The following RIMS2 variants were observed in gnomAD, a reference collection of about 807,000 sequenced individuals.
RIMS2 encodes regulating synaptic membrane exocytosis protein 2.
A neutral mutation model predicts 174.4 loss-of-function variants in RIMS2; 59 were observed. The ratio of observed to expected loss-of-function variants is 0.34; its 90% confidence interval spans 0.27 to 0.42. The LOEUF is 0.42. Ranked by LOEUF, RIMS2 falls within the 10% of genes least tolerant of loss-of-function variation. The pLI is 1.00. For synonymous variants in RIMS2, 606 were observed against 572.5 expected, an observed-to-expected ratio of 1.06 and a Z score of -0.84; for missense variants, 1,620 against 1,666.3, an observed-to-expected ratio of 0.97 and a Z score of 0.48.
intron 11 of RIMS2, among the ~76,000 whole-genome samples, chr8:103,930,869 T>C (rs2079788526): frequency 1.3e-5 from 2 of 152,176 alleles, no homozygotes; most frequent in African/African-American, 2.4e-5. Flanking sequence ...GGATACTATC[T>C]ACTCAATTCA....
At chr8:103,885,165 C>G (rs1330221403) in intron 3 of RIMS2, 133 bp from the exon 7 acceptor site, 2 of 1,275,516 alleles carry the variant, frequency 1.6e-6, no homozygotes, top group Non-Finnish European at 2.1e-6. Context: ...CATTGTTACG[C>G]TATGCCTTTA....
At chr8:103,608,981 C>A (rs886492959) in intron 1 of RIMS2, among the ~76,000 whole-genome samples, 2 of 152,146 alleles carry the variant, frequency 1.3e-5, no homozygotes, top group African/African-American at 4.8e-5. Context: ...AGCTGTAGAC[C>A]GGAGCTGTTC....
intron 3 of RIMS2, among the ~76,000 whole-genome samples, chr8:103,864,982 G>A (rs1250685682): frequency 1.3e-5 from 2 of 152,092 alleles, no homozygotes; most frequent in Non-Finnish European, 2.9e-5. Context: ...AGAATGGATT[G>A]ATGCTAACCA....
At chr8:103,640,829 T>C (rs1174784045) in intron 1 of RIMS2, among the ~76,000 whole-genome samples, 1 of 152,144 alleles carries the variant, frequency 6.6e-6, no homozygotes, top group African/African-American at 2.4e-5. Context: ...TGTATTATGC[T>C]GTTGTTGGAT....
At chr8:103,969,838 A>G (rs888158782) in intron 15 of RIMS2, among the ~76,000 whole-genome samples, 1 of 152,072 alleles carries the variant, frequency 6.6e-6, no homozygotes, top group Non-Finnish European at 1.5e-5. Flanking sequence ...ACCTCTGCCT[A>G]CTGGGCTCAA....
chr8:103,687,691 T>G (rs2096959418), intron 1 of RIMS2, among the ~76,000 whole-genome samples: 2 of 152,150 alleles, frequency 1.3e-5, no homozygotes, highest in South Asian at 4.1e-4. Flanking sequence ...TCTCTGGTGA[T>G]CATAATTCTA....
chr8:103,900,311 C>A (rs999235582), intron 4 of RIMS2, among the ~76,000 whole-genome samples: 3 of 151,646 alleles, frequency 2.0e-5, no homozygotes, highest in African/African-American at 7.3e-5. Flanking sequence ...ACAGTCTCCA[C>A]CTCCTGGGTT....
chr8:103,781,340 T>C lies in RIMS2; in HGVS notation c.698+14803T>C, dbSNP rs569927734. 2.6e-5 allele frequency among the ~76,000 whole-genome samples: 4 copies of C among 152,328 alleles called. No individual in the cohort carries two copies. In the East Asian group the frequency reaches 7.7e-4, roughly 29 times the overall value. On this transcript the variant is annotated intron_variant, in intron 3 of 23. Transcript: ENST00000504942. ...TTCCTCACGTTTGAATTCTGGGATA[T>C]TGCTGATGATAAATTGGTGCTGTAT...
chr8:103,943,269 T>C (rs981589789), intron 14 of RIMS2, among the ~76,000 whole-genome samples: 8 of 152,198 alleles, frequency 5.3e-5, no homozygotes, highest in African/African-American at 1.7e-4. Flanking sequence ...CACATAGTTG[T>C]ATACACAAAA....
chr8:103,778,133 T>A lies in RIMS2; in HGVS notation c.698+11596T>A, dbSNP rs79519472. ...TACACATTTATGTATTTTTGATTTT[T>A]TATTGATGTATAATACATATACATA... On this transcript the variant is annotated intron_variant, in intron 3 of 23. Coordinates refer to ENST00000504942, the Ensembl canonical transcript of RIMS2. Among the ~76,000 whole-genome samples, 544 of 152,156 alleles carry A rather than the reference T, an allele frequency of 3.6e-3. 18 individuals are homozygous for A. In the East Asian group the frequency reaches 0.09, roughly 25 times the overall value.
intron 2 of RIMS2, among the ~76,000 whole-genome samples, chr8:103,748,387 C>G (rs893598832): frequency 6.6e-6 from 1 of 151,980 alleles, no homozygotes; most frequent in Non-Finnish European, 1.5e-5. Flanking sequence ...TGCGGCTGCA[C>G]GAGCCGTGAT....
At chr8:104,213,672 C>A (rs2099115749) in intron 19 of RIMS2, among the ~76,000 whole-genome samples, 1 of 152,014 alleles carries the variant, frequency 6.6e-6, no homozygotes. Flanking sequence ...GTCAAGAGAT[C>A]AAGACTTCAT....
chr8:104,082,018 C>G (rs1211065155), intron 19 of RIMS2, among the ~76,000 whole-genome samples: 1 of 151,936 alleles, frequency 6.6e-6, no homozygotes, highest in Non-Finnish European at 1.5e-5. Context: ...TTCATTCTCT[C>G]TCTCTTACCT....
intron 19 of RIMS2, among the ~76,000 whole-genome samples, chr8:104,072,059 G>C (rs1374132287): frequency 2.6e-5 from 4 of 152,054 alleles, no homozygotes; most frequent in African/African-American, 9.7e-5. Context: ...AGTCTCTTAA[G>C]TACAACTTTT....
chr8:104,079,375 A>G (rs1448485170), intron 19 of RIMS2, among the ~76,000 whole-genome samples: 1 of 151,776 alleles, frequency 6.6e-6, no homozygotes, highest in Non-Finnish European at 1.5e-5. Flanking sequence ...AAAAATAATA[A>G]TAAACATATG....
intron 19 of RIMS2, among the ~76,000 whole-genome samples, chr8:104,031,818 G>A (rs1397461389): frequency 6.6e-6 from 1 of 152,060 alleles, no homozygotes; most frequent in Non-Finnish European, 1.5e-5. Context: ...TACAAGCATT[G>A]CATTTCATGC....
intron 20 of RIMS2, among the ~76,000 whole-genome samples, chr8:104,245,746 G>A (rs1430636540): frequency 1.3e-5 from 2 of 152,220 alleles, no homozygotes; most frequent in Non-Finnish European, 2.9e-5. Context: ...CACTGTGTAA[G>A]TATTAGATGT....
At chr8:103,796,918 G>C (rs2154447953) in intron 3 of RIMS2, among the ~76,000 whole-genome samples, 1 of 152,284 alleles carries the variant, frequency 6.6e-6, no homozygotes, top group East Asian at 1.9e-4. Flanking sequence ...CTGCACCTCT[G>C]AGGTCCCAGT....
chr8:103,866,576 A>G (rs1462851885), intron 3 of RIMS2, among the ~76,000 whole-genome samples: 3 of 152,060 alleles, frequency 2.0e-5, no homozygotes, highest in South Asian at 2.1e-4. Context: ...AGAGACTCCA[A>G]TTTTGCTACA....
Sources: allele counts gnomAD v4.1 joint callset (sites outside exome capture counted in the v4.1 genomes callset), GRCh38; gene constraint gnomAD v4.1.1; transcripts MANE v1.5; gene names NCBI Gene and HGNC (gene_info 2026-07-23, HGNC 2026-07-21).